Variants in KSR2 observed in about 807,000 individuals in gnomAD.
KSR2 encodes the protein kinase suppressor of ras 2.
KSR2 carries 25 observed loss-of-function variants against 107.8 expected under a neutral mutation model. That is an observed-to-expected ratio of 0.23 (90% CI 0.17 to 0.32). The LOEUF is 0.32. Ranked by LOEUF, KSR2 falls within the 10% of genes least tolerant of loss-of-function variation. The pLI, the probability that KSR2 is intolerant of heterozygous loss-of-function variation, is 1.00. For synonymous variants in KSR2, 480 were observed against 507.0 expected (o/e 0.95, Z 0.71); for missense variants, 887 against 1,268.9 (o/e 0.70, Z 4.57).
At position 117,533,988 on chromosome 12, in the gene KSR2, C is replaced by T. The variant is rs375920142; in HGVS notation, c.1688-2281G>A. ...CTGTTCTTCCTGCTGATGACAGACA[C>T]CATCAAGAAGTGGCTCTAAAGAACA... On this transcript the variant is annotated intron_variant, in intron 10 of 19. Coordinates refer to ENST00000339824, the MANE Select transcript of KSR2 (RefSeq NM_173598.6). Among the ~76,000 whole-genome samples the T allele has an allele frequency of 4.1e-4, 62 of 152,246 alleles. No individual in the cohort carries two copies. In the South Asian group the frequency reaches 0.013, roughly 31 times the overall value.
chr12:117,836,420 C>T (rs1892215744), intron 3 of KSR2, among the ~76,000 whole-genome samples: 1 of 152,136 alleles, frequency 6.6e-6, no homozygotes, highest in South Asian at 2.1e-4. Flanking sequence ...TTGTATGATT[C>T]CCAATTCACC....
chr12:117,571,182 C>T lies in KSR2; in HGVS notation c.1325+7937G>A, dbSNP rs12298250. Among the ~76,000 whole-genome samples the T allele has an allele frequency of 3.0e-3, 454 of 152,116 alleles. 2 individuals are homozygous for T. Among genetic ancestry groups the T allele is most frequent in the African/African-American group, 0.01 (427 of 41,514 alleles). ...CGGAGGCGGGAGAATTGCTTGAATC[C>T]GGGTGGTCGAGGCTGCAGTGGGCCG... On this transcript the variant is annotated intron_variant, in intron 7 of 19. Coordinates refer to ENST00000339824, the MANE Select transcript of KSR2 (RefSeq NM_173598.6).
intron 14 of KSR2, 101 bp downstream of exon 14, chr12:117,524,751 G>T (rs553753428): frequency 3.0e-6 from 4 of 1,339,458 alleles, no homozygotes; most frequent in South Asian, 2.9e-5. Context: ...ACTAGAGATG[G>T]TCTATTAACC....
chr12:117,580,150 T>C (rs1180621424), intron 6 of KSR2, among the ~76,000 whole-genome samples: 1 of 152,160 alleles, frequency 6.6e-6, no homozygotes, highest in Non-Finnish European at 1.5e-5. Context: ...AAAGGTTGCA[T>C]CCCTCTGCTG....
chr12:117,828,083 A>G (rs970681761), intron 3 of KSR2, among the ~76,000 whole-genome samples: 10 of 152,210 alleles, frequency 6.6e-5, no homozygotes, highest in African/African-American at 2.4e-4. Flanking sequence ...AGAGCAGCCC[A>G]GGGCTCTGGC....
At chr12:117,694,795 T>C (rs1278521894) in intron 4 of KSR2, among the ~76,000 whole-genome samples, 2 of 151,826 alleles carry the variant, frequency 1.3e-5, no homozygotes, top group African/African-American at 4.8e-5. Flanking sequence ...CTTGAAGACA[T>C]TCTGCTAAGT....
chr12:117,876,682 G>T (rs1245266009), intron 1 of KSR2, among the ~76,000 whole-genome samples: 1 of 150,806 alleles, frequency 6.6e-6, no homozygotes, highest in Admixed American at 6.6e-5. Flanking sequence ...TATGTATACT[G>T]TATAATGTCA....
chr12:117,900,255 G>A (rs1894641907), intron 1 of KSR2, among the ~76,000 whole-genome samples: 1 of 152,140 alleles, frequency 6.6e-6, no homozygotes. Context: ...CCAACAAAGA[G>A]GCTATTGACT....
rs185685002 is a variant in KSR2, at chr12:117,947,241, G to A, written c.180+20835C>T. On this transcript the variant is annotated intron_variant, in intron 1 of 19. Coordinates refer to ENST00000339824, the MANE Select transcript of KSR2 (RefSeq NM_173598.6). ...AGAAAGAAAGAAAGAAAGAAAGAAAGAAAGAAAGAAAGAAAGAAGATAAAC... is the reference window on the plus strand; with the variant it reads ...AGAAAGAAAGAAAGAAAGAAAGAAAAAAAGAAAGAAAGAAAGAAGATAAAC... 8.4e-3 allele frequency among the ~76,000 whole-genome samples: 1,016 copies of A among 121,654 alleles called. 19 individuals carry two copies. The highest frequency in any genetic ancestry group is 9.2e-3 in the Admixed American group (115 of 12,486). 79.8% of individuals were successfully genotyped at this position (121,654 alleles called of 152,430 possible). A position where few individuals can be genotyped will look rare whatever the true frequency, so the allele number is the denominator to read the frequency against.
chr12:117,509,352 C>T (rs1873894770), intron 14 of KSR2, among the ~76,000 whole-genome samples: 1 of 152,076 alleles, frequency 6.6e-6, no homozygotes, highest in Non-Finnish European at 1.5e-5. Context: ...GTGTTTTCCC[C>T]TCCAATTCAG....
intron 5 of KSR2, among the ~76,000 whole-genome samples, chr12:117,588,534 A>C (rs902421780): frequency 6.6e-6 from 1 of 152,210 alleles, no homozygotes; most frequent in South Asian, 2.1e-4. Flanking sequence ...TTAATGGACA[A>C]ATGAATGAAT....
intron 10 of KSR2, among the ~76,000 whole-genome samples, chr12:117,532,823 A>T (rs1875754811): frequency 6.6e-6 from 1 of 152,196 alleles, no homozygotes; most frequent in Non-Finnish European, 1.5e-5. Flanking sequence ...GTCCTTAAGT[A>T]AATGAAGAGG....
chr12:117,550,068 G>T (rs1049784428), intron 9 of KSR2, among the ~76,000 whole-genome samples: 3 of 152,162 alleles, frequency 2.0e-5, no homozygotes, highest in African/African-American at 7.2e-5. Flanking sequence ...GCAGGGAAAG[G>T]CTAATGGCAT....
chr12:117,642,334 T>C (rs1465374343), intron 5 of KSR2, among the ~76,000 whole-genome samples: 1 of 152,214 alleles, frequency 6.6e-6, no homozygotes, highest in Non-Finnish European at 1.5e-5. Flanking sequence ...ATGTTTCTGA[T>C]TGGATGAACA....
chr12:117,525,733 T>C (rs1875096481), intron 13 of KSR2, among the ~76,000 whole-genome samples: 1 of 152,246 alleles, frequency 6.6e-6, no homozygotes, highest in South Asian at 2.1e-4. Context: ...ATCGTGCATC[T>C]GCATGTAACA....
At chr12:117,816,021 GTGTGTGTGTGTGTGTGTGTT>G in intron 3 of KSR2, among the ~76,000 whole-genome samples, 1 of 149,822 alleles carries the variant, frequency 6.7e-6, no homozygotes, top group African/African-American at 2.5e-5. Flanking sequence ...GTGTGTGTGT[GTGTGTGTGTGTGTGTGTGTT>G]GGGGAGGTGA....
At chr12:117,846,667 T>C (rs937825379) in intron 3 of KSR2, among the ~76,000 whole-genome samples, 3 of 152,236 alleles carry the variant, frequency 2.0e-5, no homozygotes, top group Non-Finnish European at 2.9e-5. Context: ...CACTAGAATA[T>C]TCTGTGATGA....
intron 3 of KSR2, among the ~76,000 whole-genome samples, chr12:117,801,411 G>A (rs1402694194): frequency 6.6e-6 from 1 of 151,972 alleles, no homozygotes; most frequent in African/African-American, 2.4e-5. Context: ...TTACTGGCGT[G>A]AGCCACCACA....
chr12:117,879,445 T>C (rs1222323218), intron 1 of KSR2, among the ~76,000 whole-genome samples: 1 of 152,254 alleles, frequency 6.6e-6, no homozygotes, highest in African/African-American at 2.4e-5. Flanking sequence ...TTTTCAGGCT[T>C]ATGGGTTACA....
Sources: gnomAD v4.1 joint callset for allele counts (sites outside exome capture counted in the v4.1 genomes callset) on GRCh38, gnomAD v4.1.1 for gene constraint, MANE v1.5 for transcripts, NCBI Gene and HGNC (gene_info 2026-07-23, HGNC 2026-07-21) for gene names.